Variants in KIAA1549 observed in about 807,000 individuals in gnomAD.
The protein encoded by KIAA1549 is UPF0606 protein KIAA1549.
Under a neutral mutation model 156.4 loss-of-function variants are expected in KIAA1549, and 70 were observed. The observed-to-expected ratio is 0.45, with a 90% confidence interval of 0.37 to 0.55. The LOEUF (loss-of-function observed/expected upper bound fraction) is 0.55, where lower values mean the gene tolerates loss of function less well. Among genes scored for constraint, KIAA1549 ranks in the 20% least tolerant of loss-of-function variants. The probability of loss-of-function intolerance (pLI) is 0.00; values close to 1 mark genes in which losing one functional copy is unlikely to be tolerated. For missense variants in KIAA1549, 2,428 were observed against 2,540.9 expected (o/e 0.96, Z 0.96); for synonymous variants, 1,103 against 1,066.4 (o/e 1.03, Z -0.67).
chr7:138,859,339 G>A (rs1184242359), intron 16 of KIAA1549, among the ~76,000 whole-genome samples: 1 of 152,086 alleles, frequency 6.6e-6, no homozygotes, highest in Admixed American at 6.5e-5. Context: ...GGGGGGTTAT[G>A]GCTTCAACAT....
intron 19 of KIAA1549, among the ~76,000 whole-genome samples, chr7:138,839,237 T>A (rs1326912808): frequency 6.6e-6 from 1 of 152,044 alleles, no homozygotes; most frequent in Non-Finnish European, 1.5e-5. Flanking sequence ...GGCACAGAAA[T>A]GCAACAGACA....
At chr7:138,892,197 G>A (rs147261978) in intron 10 of KIAA1549, among the ~76,000 whole-genome samples, 1 of 152,324 alleles carries the variant, frequency 6.6e-6, no homozygotes, top group East Asian at 1.9e-4. Flanking sequence ...TTGATTTACA[G>A]CCACATCTGG....
rs1563057049 is a variant in KIAA1549, at chr7:138,871,159, CTT to C, written c.4547_4548del (p.Lys1516ArgfsTer11). 6.2e-7 allele frequency: 1 copy of C among 1,611,064 alleles called. No individual in the cohort carries two copies. ...DRVAESNKIN[K>X]EIQTALRHKS... is the part of the protein sequence containing the mutation. ...GACTTTTAAATAAAAGCAAATACCT[CTT>C]TGTTGATTTTATTGCTTTCCGCCAC... On this transcript the variant is annotated frameshift_variant, in exon 13 of 20. Coordinates refer to ENST00000422774, the MANE Select transcript of KIAA1549 (RefSeq NM_001164665.2). LOFTEE classifies it high-confidence loss of function.
intron 15 of KIAA1549, among the ~76,000 whole-genome samples, chr7:138,864,580 C>G (rs1039416460): frequency 6.6e-6 from 1 of 152,202 alleles, no homozygotes; most frequent in African/African-American, 2.4e-5. Flanking sequence ...TGTTCAGATA[C>G]AGTTTATCAG....
intron 5 of KIAA1549, 39 bp downstream of exon 5, chr7:138,908,952 G>A (rs1316016635): frequency 1.2e-6 from 2 of 1,610,394 alleles, no homozygotes; most frequent in African/African-American, 2.7e-5. Flanking sequence ...CCCCTTCAAG[G>A]GCTAAAGCCT....
At chr7:138,839,187 G>A (rs112465071) in intron 19 of KIAA1549, among the ~76,000 whole-genome samples, 3,126 of 152,212 alleles carry the variant, frequency 0.021, 123 homozygotes, top group African/African-American at 0.072. Flanking sequence ...CTAGGTAAGA[G>A]CATCCAGCCA....
intron 11 of KIAA1549, 100 bp downstream of exon 11, chr7:138,881,288 G>A: frequency 8.3e-7 from 1 of 1,211,360 alleles, no homozygotes; most frequent in East Asian, 2.4e-5. Context: ...GCACATGCAG[G>A]GCTGCGCTCA....
intron 10 of KIAA1549, among the ~76,000 whole-genome samples, chr7:138,888,482 T>C (rs1380160771): frequency 6.6e-6 from 1 of 152,266 alleles, no homozygotes; most frequent in Non-Finnish European, 1.5e-5. Flanking sequence ...GTTGTCCCTG[T>C]GTACTTACTG....
At chr7:138,845,068 C>T (rs896884435) in intron 17 of KIAA1549, among the ~76,000 whole-genome samples, 1 of 152,074 alleles carries the variant, frequency 6.6e-6, no homozygotes, top group Admixed American at 6.5e-5. Context: ...TCTTTTGACT[C>T]ATAAAAATTA....
In KIAA1549 at chr7:138,917,880, G is replaced by A. The variant is rs148743027; in HGVS notation, c.1746C>T (p.Ala582=). ...VIANKNTPSL[A]VRDPSVFTPY... is the part of the protein sequence containing the mutation. ...GCGTAAAAACACTCGGGTCTCTGAC[G>A]GCAAGCGACGGTGTGTTTTTGTTTG... Residue 582 remains alanine, a synonymous_variant, in exon 2 of 20, where the codon GCC becomes GCT. Coordinates refer to ENST00000422774, the MANE Select transcript of KIAA1549 (RefSeq NM_001164665.2). 7.3e-4 allele frequency: 1,168 copies of A among 1,603,736 alleles called. 1 individual carries two copies. Among genetic ancestry groups the A allele is most frequent in the Admixed American group, 9.8e-4 (57 of 58,396 alleles).
At chr7:138,870,518 A>AC (rs1011025170) in intron 13 of KIAA1549, among the ~76,000 whole-genome samples, 7 of 152,130 alleles carry the variant, frequency 4.6e-5, no homozygotes, top group Non-Finnish European at 8.8e-5. Flanking sequence ...CTGACATGAG[A>AC]CCCCCTGCCC....
intron 1 of KIAA1549, among the ~76,000 whole-genome samples, chr7:138,964,996 TGTTGC>T (rs1195475047): frequency 6.6e-6 from 1 of 151,886 alleles, no homozygotes; most frequent in Non-Finnish European, 1.5e-5. Context: ...GGTCTTGCTC[TGTTGC>T]CCAGGCTGAA....
At chr7:138,865,008 C>T (rs970872950) in intron 15 of KIAA1549, among the ~76,000 whole-genome samples, 4 of 152,134 alleles carry the variant, frequency 2.6e-5, no homozygotes, top group African/African-American at 9.7e-5. Context: ...GCAGGAGGAT[C>T]GCTGAGCCCA....
chr7:138,966,461 C>T (rs1488635646), intron 1 of KIAA1549, among the ~76,000 whole-genome samples: 1 of 152,064 alleles, frequency 6.6e-6, no homozygotes, highest in Non-Finnish European at 1.5e-5. Flanking sequence ...GGTTCCACAA[C>T]AAGCCAACTA....
At chr7:138,894,572 A>C (rs761538851) in intron 9 of KIAA1549, 46 bp from the exon 10 acceptor site, 1 of 1,579,404 alleles carries the variant, frequency 6.3e-7, no homozygotes, top group Admixed American at 1.7e-5. Context: ...TTCTTCACTC[A>C]TGCACTAGAT....
intron 1 of KIAA1549, among the ~76,000 whole-genome samples, chr7:138,946,854 C>T (rs536960461): frequency 3.3e-5 from 5 of 152,296 alleles, no homozygotes; most frequent in African/African-American, 1.2e-4. Flanking sequence ...AACAAATGCT[C>T]GCAGGCATTG....
chr7:138,866,441 C>T (rs958146974), intron 15 of KIAA1549, among the ~76,000 whole-genome samples: 1 of 152,210 alleles, frequency 6.6e-6, no homozygotes, highest in African/African-American at 2.4e-5. Context: ...CTATCTAAAG[C>T]GATCACATCC....
chr7:138,905,254 A>G (rs1015412294), intron 6 of KIAA1549, among the ~76,000 whole-genome samples, 173 bp from the exon 7 acceptor site: 4 of 152,238 alleles, frequency 2.6e-5, no homozygotes, highest in African/African-American at 9.6e-5. Flanking sequence ...ATTAGTCTCA[A>G]GGAAAAAGAG....
chr7:138,963,327 C>T (rs965666733), intron 1 of KIAA1549, among the ~76,000 whole-genome samples: 2 of 152,220 alleles, frequency 1.3e-5, no homozygotes, highest in Non-Finnish European at 2.9e-5. Context: ...GCAGAAGTCA[C>T]ATGCGGAAAG....
Sources: allele counts gnomAD v4.1 joint callset (sites outside exome capture counted in the v4.1 genomes callset), GRCh38; gene constraint gnomAD v4.1.1; transcripts MANE v1.5; gene names NCBI Gene and HGNC (gene_info 2026-07-23, HGNC 2026-07-21).